Variants in TNRC6A observed in about 807,000 individuals in gnomAD.
The protein encoded by TNRC6A is trinucleotide repeat containing adaptor 6A.
A neutral mutation model predicts 221.2 loss-of-function variants in TNRC6A; 44 were observed. The ratio of observed to expected loss-of-function variants is 0.20; its 90% CI spans 0.16 to 0.26. The LOEUF (loss-of-function observed/expected upper bound fraction) is 0.26. Among genes scored for constraint, TNRC6A ranks in the 10% least tolerant of loss-of-function variants. TNRC6A has a pLI of 1.00. For missense variants in TNRC6A, 2,199 were observed against 2,404.4 expected (o/e 0.91, Z 1.79); for synonymous variants, 847 against 838.5 (o/e 1.01, Z -0.18).
At chr16:24,701,404 C>G (rs908344316) in intron 2 of TNRC6A, among the ~76,000 whole-genome samples, 1 of 150,448 alleles carries the variant, frequency 6.6e-6, no homozygotes, top group Non-Finnish European at 1.5e-5. Flanking sequence ...CTCGCTCTGT[C>G]GCCCAGGCTG....
chr16:24,649,628 G>A (rs1162989070), intron 2 of TNRC6A, among the ~76,000 whole-genome samples: 1 of 151,964 alleles, frequency 6.6e-6, no homozygotes, highest in African/African-American at 2.4e-5. Context: ...TTCTTTGTGT[G>A]TGTGTGGTAA....
chr16:24,798,371 C>T (rs1487212399), intron 11 of TNRC6A, among the ~76,000 whole-genome samples: 1 of 152,130 alleles, frequency 6.6e-6, no homozygotes, highest in Admixed American at 6.5e-5. Context: ...GAAAGATCAC[C>T]TGGATAAAGA....
At chr16:24,666,421 C>T (rs1407844063) in intron 2 of TNRC6A, among the ~76,000 whole-genome samples, 3 of 144,806 alleles carry the variant, frequency 2.1e-5, no homozygotes, top group Admixed American at 7.3e-5. Flanking sequence ...TGCAGTGAGT[C>T]GAGATCGCGC....
At chr16:24,770,205 G>T (rs1022652063) in intron 4 of TNRC6A, among the ~76,000 whole-genome samples, 1 of 152,190 alleles carries the variant, frequency 6.6e-6, no homozygotes, top group South Asian at 2.1e-4. Flanking sequence ...TTGGGGAATT[G>T]CAAGTATTTG....
chr16:24,672,818 T>C (rs994661470), intron 2 of TNRC6A, among the ~76,000 whole-genome samples: 1 of 152,176 alleles, frequency 6.6e-6, no homozygotes, highest in Non-Finnish European at 1.5e-5. Context: ...CTTGTAGATA[T>C]ACTTACATAC....
intron 19 of TNRC6A, 43 bp from the exon 20 acceptor site, chr16:24,816,773 A>G: frequency 1.3e-6 from 2 of 1,577,926 alleles, no homozygotes; most frequent in South Asian, 1.2e-5. Context: ...GGATTTTAAA[A>G]TGATGATTAA....
At chr16:24,733,385 G>C (rs1212178616) in intron 2 of TNRC6A, among the ~76,000 whole-genome samples, 1 of 152,116 alleles carries the variant, frequency 6.6e-6, no homozygotes, top group African/African-American at 2.4e-5. Flanking sequence ...AAACAACATT[G>C]GCACAAATAA....
In TNRC6A at chr16:24,797,998, C is replaced by G. The variant is rs750695301; in HGVS notation, c.3694+32C>G. 4.5e-6 allele frequency: 7 copies of G among 1,570,038 alleles called. No homozygotes were observed. In the East Asian group the frequency reaches 1.3e-4, roughly 30 times the overall value. The stretch of plus-strand genomic sequence containing the variant: ...GAAAATTAAATCTGTTTATATTCCT[C>G]ATTGAGGGACACGCACATCCATGAC... On this transcript the variant is annotated intron_variant, in intron 11 of 24. Coordinates refer to ENST00000395799, the MANE Select transcript of TNRC6A (RefSeq NM_014494.4).
chr16:24,794,844 T>A (rs1215427095), intron 8 of TNRC6A, 125 bp downstream of exon 8: 10 of 788,478 alleles, frequency 1.3e-5, no homozygotes, highest in Non-Finnish European at 1.7e-5. Flanking sequence ...CCACCTTAGG[T>A]ATAGCCACTT....
chr16:24,700,595 T>A lies in TNRC6A; in HGVS notation n.403-50131T>A, dbSNP rs562720245. On this transcript the variant is annotated intron_variant and non_coding_transcript_variant, in intron 2 of 2. Coordinates refer to the TNRC6A transcript ENST00000566108. ...GCTCCAGGGGGTTCCCTCACACTCT[T>A]CTCTTTCTCTTGCTGCACCCCTGAA... Among the ~76,000 whole-genome samples the A allele has an allele frequency of 1.1e-4, 16 of 152,100 alleles. No individual in the cohort carries two copies. The South Asian group carries it at 1.2e-3, about 12-fold the overall frequency.
chr16:24,681,256 C>G (rs2142060016), intron 2 of TNRC6A, among the ~76,000 whole-genome samples: 1 of 152,204 alleles, frequency 6.6e-6, no homozygotes, highest in South Asian at 2.1e-4. Context: ...GAGACCGAGT[C>G]TTGCTTTGTT....
chr16:24,639,110 T>C (rs1215190701), intron 1 of TNRC6A, among the ~76,000 whole-genome samples: 1 of 152,180 alleles, frequency 6.6e-6, no homozygotes, highest in Non-Finnish European at 1.5e-5. Flanking sequence ...ATATTTCAAG[T>C]ACTTTGACTC....
chr16:24,771,876 A>G (rs1037075851), intron 4 of TNRC6A, among the ~76,000 whole-genome samples: 2 of 152,184 alleles, frequency 1.3e-5, no homozygotes, highest in Non-Finnish European at 2.9e-5. Flanking sequence ...GAGTTTGGAA[A>G]ACTACAGTCT....
At chr16:24,729,596 T>C (rs1014088711), upstream of TNRC6A, 9 of 404,238 alleles carry the variant, frequency 2.2e-5, no homozygotes, top group Non-Finnish European at 3.4e-5. Context: ...AGGGCCTCCA[T>C]CTTGGGGGCC....
At chr16:24,710,555 C>T (rs916748591) in intron 2 of TNRC6A, among the ~76,000 whole-genome samples, 1 of 152,168 alleles carries the variant, frequency 6.6e-6, no homozygotes, top group Non-Finnish European at 1.5e-5. Context: ...TAATGCTGTG[C>T]TCTTCTTATT....
chr16:24,795,106 C>G (rs2058191696), intron 8 of TNRC6A, among the ~76,000 whole-genome samples: 1 of 152,148 alleles, frequency 6.6e-6, no homozygotes, highest in Non-Finnish European at 1.5e-5. Context: ...CCCGCTTACC[C>G]AGAGTCACCA....
At chr16:24,764,798 G>A (rs561006594) in intron 4 of TNRC6A, among the ~76,000 whole-genome samples, 20 of 152,082 alleles carry the variant, frequency 1.3e-4, no homozygotes, top group African/African-American at 4.6e-4. Flanking sequence ...AGCCTCCAGT[G>A]GATGCTTGAA....
At chr16:24,651,943 A>G (rs1408745677) in intron 2 of TNRC6A, among the ~76,000 whole-genome samples, 1 of 151,284 alleles carries the variant, frequency 6.6e-6, no homozygotes, top group Non-Finnish European at 1.5e-5. Context: ...TAAAAAAAAA[A>G]AAAAATTAAT....
intron 2 of TNRC6A, among the ~76,000 whole-genome samples, chr16:24,734,997 A>C (rs1281350908): frequency 6.6e-6 from 1 of 152,216 alleles, no homozygotes; most frequent in Non-Finnish European, 1.5e-5. Flanking sequence ...AATGACTAGG[A>C]CTGGCCAGGT....
Sources: gnomAD v4.1 joint callset for allele counts (sites outside exome capture counted in the v4.1 genomes callset) on GRCh38, gnomAD v4.1.1 for gene constraint, MANE v1.5 for transcripts, NCBI Gene and HGNC (gene_info 2026-07-23, HGNC 2026-07-21) for gene names.